EYS: variants seen among roughly 807,000 people sequenced by gnomAD.
EYS encodes protein eyes shut homolog.
In EYS, 250 loss-of-function variants were observed where a neutral mutation model predicts 282.1. That is an observed-to-expected ratio of 0.89 (90% CI 0.80 to 0.98). EYS has a LOEUF of 0.98. Among genes scored for constraint, EYS ranks in the 50% least tolerant of loss-of-function variants. The probability of loss-of-function intolerance (pLI) is 0.00; values close to 1 mark genes in which losing one functional copy is unlikely to be tolerated. For synonymous variants in EYS, 1,355 were observed against 1,282.9 expected, an observed-to-expected ratio of 1.06 and a Z score of -1.20; for missense variants, 4,016 against 3,709.0, an observed-to-expected ratio of 1.08 and a Z score of -2.15.
intron 14 of EYS, among the ~76,000 whole-genome samples, chr6:64,996,411 C>T (rs1031275146): frequency 5.9e-5 from 9 of 152,154 alleles, no homozygotes; most frequent in South Asian, 2.1e-4. Context: ...GGAGAGGTCA[C>T]GCATACTTTT....
intron 31 of EYS, among the ~76,000 whole-genome samples, chr6:64,083,411 A>T (rs1772042995): frequency 6.6e-6 from 1 of 152,172 alleles, no homozygotes; most frequent in Non-Finnish European, 1.5e-5. Flanking sequence ...CTATCTCTGT[A>T]GGGTGGCCTG....
chr6:64,681,622 G>C (rs911358885), intron 22 of EYS, among the ~76,000 whole-genome samples: 2 of 152,064 alleles, frequency 1.3e-5, no homozygotes, highest in African/African-American at 4.8e-5. Flanking sequence ...GGCCGGGCGC[G>C]GTGGCTCAGG....
At chr6:65,064,124 T>C (rs909371712) in intron 12 of EYS, among the ~76,000 whole-genome samples, 1 of 145,186 alleles carries the variant, frequency 6.9e-6, no homozygotes, top group African/African-American at 2.5e-5. Context: ...TAGTATATTA[T>C]ATATTGCATA....
intron 26 of EYS, among the ~76,000 whole-genome samples, chr6:64,463,441 A>T (rs1775820811): frequency 6.6e-6 from 1 of 152,216 alleles, no homozygotes; most frequent in Admixed American, 6.5e-5. Context: ...TAAATATACA[A>T]ATATTAGTTA....
Position 65,443,125 on chromosome 6 carries a change from T to C in EYS, c.863-37758A>G, listed in dbSNP as rs1042356085. Among the ~76,000 whole-genome samples the C allele has an allele frequency of 4.1e-5, 6 of 144,742 alleles. No individual in the cohort carries two copies. The East Asian group carries it at 1.3e-3, about 31-fold the overall frequency. 95.0% of individuals were successfully genotyped at this position (144,742 alleles called of 152,430 possible). A position where few individuals can be genotyped will look rare whatever the true frequency, so the allele number is the denominator to read the frequency against. ...TATACATATATGTGGATCATATATG[T>C]ACACATCATACATATATGTACACAT... On this transcript the variant is annotated intron_variant, in intron 5 of 42. Transcript: ENST00000503581.
At position 64,590,477 on chromosome 6, in the gene EYS, G is replaced by A. The variant is rs1766368888; in HGVS notation, c.5390C>T (p.Ser1797Leu). Reference protein sequence around the residue: ...VTTNVAFYTVSATPALSIQTS... With the variant: ...VTTNVAFYTVLATPALSIQTS... ...CTGTATTGAAAGTGCTGGAGTTGCT[G>A]AAACTGTATAAAATGCAACATTGGT... is the stretch of plus-strand genomic sequence containing the variant. Residue 1797 changes from serine to leucine, a missense_variant, in exon 26 of 43, where the codon TCA becomes TTA. By Grantham distance (145) the Ser-to-Leu change is moderately radical (BLOSUM62 -2). Coordinates refer to ENST00000503581, the MANE Select transcript of EYS (RefSeq NM_001142800.2). 6.4e-7 allele frequency: 1 copy of A among 1,551,410 alleles called. No homozygotes were observed. The highest frequency in any genetic ancestry group is 2.4e-5 in the East Asian group (1 of 40,914).
intron 29 of EYS, among the ~76,000 whole-genome samples, chr6:64,347,800 G>T (rs576247809): frequency 6.6e-6 from 1 of 151,180 alleles, no homozygotes; most frequent in African/African-American, 2.4e-5. Context: ...CTAATACCTG[G>T]AAACTCACTC....
chr6:64,591,941 C>T lies in EYS; in HGVS notation c.3926G>A (p.Gly1309Asp), dbSNP rs1286144518. 8 of 1,530,494 alleles carry T rather than the reference C, an allele frequency of 5.2e-6. No individual in the cohort carries two copies. The East Asian group carries it at 9.9e-5, about 19-fold the overall frequency. 94.8% of individuals were successfully genotyped at this position (1,530,494 alleles called of 1,614,324 possible). Residue 1309 changes from glycine to aspartate, a missense_variant, in exon 26 of 43, where the codon GGT becomes GAT. Transcript: ENST00000503581. ...TGTGCTAATTCTTAATGTTGCCAAA[C>T]CAGTGGTTGGGAGAATGTCGTGCTT... is the stretch of plus-strand genomic sequence containing the variant. ...IVKHDILPTT[G>D]LATLRISTPL...
chr6:64,447,075 T>A (rs1388100598), intron 26 of EYS, among the ~76,000 whole-genome samples: 1 of 152,024 alleles, frequency 6.6e-6, no homozygotes, highest in Non-Finnish European at 1.5e-5. Context: ...CACTTAAATA[T>A]AATTAATATT....
At chr6:64,496,086 G>T (rs1246875000) in intron 26 of EYS, among the ~76,000 whole-genome samples, 2 of 151,688 alleles carry the variant, frequency 1.3e-5, no homozygotes, top group African/African-American at 4.8e-5. Context: ...ATATGCAAAG[G>T]TGAGTAAAAT....
Position 64,572,123 on chromosome 6 carries a change from A to C in EYS, c.5644+18100T>G, listed in dbSNP as rs148596753. Among the ~76,000 whole-genome samples the C allele has an allele frequency of 3.7e-3, 565 of 152,298 alleles. 8 individuals are homozygous for C. Among genetic ancestry groups the C allele is most frequent in the African/African-American group, 0.013 (532 of 41,554 alleles). ...CTGGGATGCAAGGCTGGTTCAACAT[A>C]TGCAAATCAAAAAACATAATCCATC... On this transcript the variant is annotated intron_variant, in intron 26 of 42. Coordinates refer to ENST00000503581, the MANE Select transcript of EYS (RefSeq NM_001142800.2).
intron 12 of EYS, among the ~76,000 whole-genome samples, chr6:65,140,590 C>T (rs1051891304): frequency 4.6e-5 from 7 of 151,036 alleles, no homozygotes; most frequent in Non-Finnish European, 1.0e-4. Flanking sequence ...GCAACCTACT[C>T]ATCTGACAAA....
intron 12 of EYS, among the ~76,000 whole-genome samples, chr6:65,140,428 G>C (rs1004616698): frequency 6.6e-6 from 1 of 151,978 alleles, no homozygotes; most frequent in Admixed American, 6.6e-5. Context: ...TGTCATCAGA[G>C]TCCCAGAGGA....
At chr6:64,883,729 G>T (rs555991652) in intron 19 of EYS, among the ~76,000 whole-genome samples, 1 of 151,478 alleles carries the variant, frequency 6.6e-6, no homozygotes, top group Non-Finnish European at 1.5e-5. Flanking sequence ...CAAATCTACT[G>T]ATAAACTGAT....
At chr6:64,278,045 G>T (rs1015148609) in intron 30 of EYS, among the ~76,000 whole-genome samples, 12 of 152,100 alleles carry the variant, frequency 7.9e-5, no homozygotes, top group Admixed American at 1.3e-4. Context: ...GGGGCATGTA[G>T]AAGGTAATTA....
intron 31 of EYS, among the ~76,000 whole-genome samples, chr6:64,151,324 TATATATATATATA>T (rs1774708592): frequency 6.1e-5 from 4 of 66,004 alleles, no homozygotes; most frequent in African/African-American, 3.3e-4. Context: ...TATTTATATA[TATATATATATATA>T]TATATATATA....
At chr6:65,466,162 T>C (rs2150413095) in intron 5 of EYS, among the ~76,000 whole-genome samples, 1 of 152,238 alleles carries the variant, frequency 6.6e-6, no homozygotes, top group Middle Eastern at 3.4e-3. Flanking sequence ...TATATTATAA[T>C]GTATATATGA....
At chr6:65,562,707 G>C (rs1293899891) in intron 2 of EYS, among the ~76,000 whole-genome samples, 1 of 151,966 alleles carries the variant, frequency 6.6e-6, no homozygotes, top group East Asian at 1.9e-4. Context: ...TAATTAGCCT[G>C]ACTGAAATGA....
intron 12 of EYS, among the ~76,000 whole-genome samples, chr6:65,119,071 T>C (rs1561975429): frequency 6.6e-6 from 1 of 152,118 alleles, no homozygotes; most frequent in Non-Finnish European, 1.5e-5. Flanking sequence ...GGAGAAAACA[T>C]ACCAAATAAA....
Sources: gnomAD v4.1 joint callset for allele counts (sites outside exome capture counted in the v4.1 genomes callset) on GRCh38, gnomAD v4.1.1 for gene constraint, MANE v1.5 for transcripts, NCBI Gene and HGNC (gene_info 2026-07-23, HGNC 2026-07-21) for gene names.